The following SCYL1 variants were observed in gnomAD, a reference collection of about 807,000 sequenced individuals.
The protein encoded by SCYL1 is SCY1 like pseudokinase 1.
A neutral mutation model predicts 94.8 loss-of-function variants in SCYL1; 85 were observed. That is an observed-to-expected ratio of 0.90 (90% CI 0.75 to 1.07). The LOEUF (loss-of-function observed/expected upper bound fraction) is 1.07, where lower values mean the gene tolerates loss of function less well. Ranked by LOEUF, SCYL1 falls within the 50% of genes least tolerant of loss-of-function variation. The pLI is 0.00. For synonymous variants in SCYL1, 459 were observed against 435.5 expected, an observed-to-expected ratio of 1.05 and a Z score of -0.67; for missense variants, 968 against 1,083.3, an observed-to-expected ratio of 0.89 and a Z score of 1.49.
In SCYL1 at chr11:65,535,292, T is replaced by C. The variant is rs370246020; in HGVS notation, c.1296T>C (p.Phe432=). The C allele has an allele frequency of 5.6e-6, 9 of 1,614,122 alleles. No individual in the cohort carries two copies. Among genetic ancestry groups the C allele is most frequent in the Non-Finnish European group, 7.6e-6 (9 of 1,180,036 alleles). ...ANLNVELMKH[F]ARLQAKDEQG... Reference sequence around the variant, plus strand: ...TCAATGTGGAGCTGATGAAGCACTTTGCACGGCTACAGGCCAAGGATGAAC... The same window carrying C: ...TCAATGTGGAGCTGATGAAGCACTTCGCACGGCTACAGGCCAAGGATGAAC... The change falls in exon 10 of 18, where the codon TTT becomes TTC. Residue 432 remains phenylalanine, a synonymous_variant. Coordinates refer to ENST00000270176, the MANE Select transcript of SCYL1 (RefSeq NM_020680.4).
At chr11:65,530,819 C>A (rs1007049160) in intron 7 of SCYL1, 32 bp downstream of exon 7, 3 of 1,583,942 alleles carry the variant, frequency 1.9e-6, no homozygotes, top group African/African-American at 1.3e-5. Context: ...AGAAGGCTGG[C>A]TGGGTGCACA....
In SCYL1 at chr11:65,526,196, G is replaced by C; in HGVS notation, c.448G>C (p.Asp150His). The C allele has an allele frequency of 6.2e-7, 1 of 1,613,464 alleles. No individual in the cohort carries two copies. The highest frequency in any genetic ancestry group is 1.6e-4 in the Middle Eastern group (1 of 6,062). Residue 150 changes from aspartate to histidine, a missense_variant, in exon 4 of 18, where the codon GAC (aspartate) becomes CAC (histidine). Physicochemically the swap from Asp to His is moderately conservative, Grantham distance 81. Around this residue, in one of 2 missense-constraint regions of SCYL1, gnomAD observed 494 missense variants for 619.7 expected, o/e 0.80. Coordinates refer to ENST00000270176, the MANE Select transcript of SCYL1 (RefSeq NM_020680.4). This position sits in a 1 kb window ranked among gnomAD's most constrained non-coding sequence, Gnocchi z 4.1. Reference sequence around the variant, plus strand: ...TGTCTGCATGGCCGCCGTGTTCGTGGACCGAGCTGGCGAGTGGAAGCTTGG... The same window carrying C: ...TGTCTGCATGGCCGCCGTGTTCGTGCACCGAGCTGGCGAGTGGAAGCTTGG... ...NNVCMAAVFV[D>H]RAGEWKLGGL... is the part of the protein sequence containing the mutation.
At chr11:65,535,527 G>A in intron 10 of SCYL1, 145 bp downstream of exon 10, 1 of 1,060,540 alleles carries the variant, frequency 9.4e-7, no homozygotes, top group Non-Finnish European at 1.3e-6. Flanking sequence ...TGGGTTCCCA[G>A]AGGAGGAGTG....
chr11:65,533,077 T>C (rs1399780561), intron 9 of SCYL1: 1 of 421,782 alleles, frequency 2.4e-6, no homozygotes, highest in African/African-American at 2.0e-5. Context: ...TGGAGCTTCC[T>C]TTCCAGGGCA....
chr11:65,538,308 C>T lies in SCYL1; in HGVS notation c.2286C>T (p.Gly762=). The change falls in exon 17 of 18, where the codon GGC becomes GGT. Residue 762 remains glycine (G), a synonymous_variant. Transcript: ENST00000270176. ...CTTGGGGTGAGGACAACTGGGAGGG[C>T]CTCGAGACTGACAGTCGTAAGTGCT... ...PDSWGEDNWE[G]LETDSRQVKA... 1 of 1,550,450 alleles carries T rather than the reference C, an allele frequency of 6.4e-7. No individual in the cohort carries two copies. Among genetic ancestry groups the T allele is most frequent in the Non-Finnish European group, 8.7e-7 (1 of 1,146,578 alleles).
At chr11:65,528,174 G>A (rs1350487196) in intron 6 of SCYL1, among the ~76,000 whole-genome samples, 3 of 152,260 alleles carry the variant, frequency 2.0e-5, no homozygotes, top group Non-Finnish European at 2.9e-5. Flanking sequence ...CAGGTGCAGT[G>A]GCTCACGCCT....
intron 6 of SCYL1, among the ~76,000 whole-genome samples, chr11:65,528,372 G>A (rs532478533): frequency 3.2e-4 from 48 of 152,214 alleles, no homozygotes; most frequent in Non-Finnish European, 3.2e-4. Flanking sequence ...AACCTGGGAG[G>A]TGGAGGTTGC....
Position 65,535,311 on chromosome 11 carries a change from G to A in SCYL1, c.1315G>A (p.Asp439Asn), listed in dbSNP as rs1161983958. Residue 439 changes from aspartate (D) to asparagine (N), a missense_variant, in exon 10 of 18, where the codon GAT (aspartate) becomes AAT (asparagine). Physicochemically the swap from Asp to Asn is conservative, Grantham distance 23. This residue lies in a region of SCYL1 where 494 missense variants were observed against 619.7 expected (regional missense o/e 0.80). Coordinates refer to ENST00000270176, the MANE Select transcript of SCYL1 (RefSeq NM_020680.4). ...MKHFARLQAK[D>N]EQGPIRCNTT... ...GCACTTTGCACGGCTACAGGCCAAG[G>A]ATGAACAGGGCCCCATCCGCTGCAA... 1 of 1,614,248 alleles carries A rather than the reference G, an allele frequency of 6.2e-7. No homozygotes were observed. The highest frequency in any genetic ancestry group is 8.5e-7 in the Non-Finnish European group (1 of 1,180,034).
chr11:65,535,570 T>C (rs1478030712), intron 10 of SCYL1, 188 bp downstream of exon 10: 2 of 746,828 alleles, frequency 2.7e-6, no homozygotes, highest in Non-Finnish European at 2.1e-6. Flanking sequence ...AGGAGGGATC[T>C]GGGATCTGAA....
chr11:65,526,355 G>T lies in SCYL1; in HGVS notation c.602+5G>T, dbSNP rs1436673561. ...CAGAGTGGTCAGAGAGAAGTGGTGG[G>T]TGACTGGGGGCAGCGCGCCCCAACC... On this transcript the variant is annotated splice_donor_5th_base_variant and intron_variant, in intron 4 of 17. Transcript: ENST00000270176. The surrounding 1 kb of genome is among the most constrained non-coding windows in gnomAD (Gnocchi z 4.1). The T allele has an allele frequency of 6.3e-7, 1 of 1,589,172 alleles. No individual in the cohort carries two copies. The highest frequency in any genetic ancestry group is 1.7e-5 in the Admixed American group (1 of 58,680).
Position 65,538,569 on chromosome 11 carries a change from C to T in SCYL1, c.*3C>T, listed in dbSNP as rs1467270121. 1 of 1,609,128 alleles carries T rather than the reference C, an allele frequency of 6.2e-7. No individual in the cohort carries two copies. The highest frequency in any genetic ancestry group is 8.5e-7 in the Non-Finnish European group (1 of 1,178,038). ...TGGGAGCCCGGAAGCTGGACTGAAC[C>T]GTGGCGGTGGCCCTTCCCGGCTGCG... is the stretch of plus-strand genomic sequence containing the variant. On this transcript the variant is annotated 3_prime_UTR_variant, in exon 18 of 18. Transcript: ENST00000270176.
rs1216769195 is a variant in SCYL1 at position 65,538,552 on chromosome 11, C to G, written c.2413C>G (p.Arg805Gly). Reference sequence around the variant, plus strand: ...CAAGGGCCCCATGAAGCTGGGAGCCCGGAAGCTGGACTGAACCGTGGCGGT... The same window carrying G: ...CAAGGGCCCCATGAAGCTGGGAGCCGGGAAGCTGGACTGAACCGTGGCGGT... ...VAKGPMKLGA[R>G]KLD The change falls in exon 18 of 18, where the codon CGG (arginine) becomes GGG (glycine). Residue 805 changes from arginine (R) to glycine (G), a missense_variant. Arg to Gly is a moderately radical substitution (Grantham distance 125). This residue lies in a region of SCYL1 where 474 missense variants were observed against 463.6 expected (regional missense o/e 1.02). Transcript: ENST00000270176. The G allele has an allele frequency of 1.9e-6, 3 of 1,611,540 alleles. No homozygotes were observed. The highest frequency in any genetic ancestry group is 2.5e-6 in the Non-Finnish European group (3 of 1,179,448).
intron 6 of SCYL1, among the ~76,000 whole-genome samples, chr11:65,529,188 C>A (rs1855245614): frequency 1.3e-5 from 2 of 152,150 alleles, no homozygotes; most frequent in South Asian, 2.1e-4. Flanking sequence ...AATCTTGACT[C>A]AGATGCTGTG....
Position 65,537,726 on chromosome 11 carries a change from G to A in SCYL1, c.1960-83G>A. The stretch of plus-strand genomic sequence containing the variant: ...GAGGAAGGCAAAAGACAGTGGTGGG[G>A]CCCGTGGCTGGGATGATGCTGGGGC... On this transcript the variant is annotated intron_variant, in intron 14 of 17. Coordinates refer to ENST00000270176, the MANE Select transcript of SCYL1 (RefSeq NM_020680.4). The A allele has an allele frequency of 5.8e-6, 7 of 1,216,198 alleles. No homozygotes were observed. In the South Asian group the frequency reaches 1.1e-4, roughly 18 times the overall value. 75.3% of individuals were successfully genotyped at this position (1,216,198 alleles called of 1,614,324 possible). A position where few individuals can be genotyped will look rare whatever the true frequency, so the allele number is the denominator to read the frequency against.
chr11:65,525,474 G>A, intron 1 of SCYL1, 100 bp from the exon 2 acceptor site: 1 of 1,421,380 alleles, frequency 7.0e-7, no homozygotes, highest in Non-Finnish European at 9.4e-7. Context: ...CCGGCGAAGT[G>A]TCCCTAAGGC....
chr11:65,525,765 C>G, intron 2 of SCYL1, 51 bp downstream of exon 2: 1 of 1,604,932 alleles, frequency 6.2e-7, no homozygotes, highest in African/African-American at 1.3e-5. Flanking sequence ...GTCCTGGTTA[C>G]CCACTCCTGT....
In SCYL1 at chr11:65,531,564, C is replaced by T. The variant is rs1590731793; in HGVS notation, c.1009-12C>T. The T allele has an allele frequency of 6.2e-7, 1 of 1,600,558 alleles. No homozygotes were observed. The highest frequency in any genetic ancestry group is 1.3e-5 in the African/African-American group (1 of 74,666). ...CCTGTGAGCAGCTGAACCCATCTTC[C>T]TGCCCTTTCAGGTGGGCAAGTTCCT... is the stretch of plus-strand genomic sequence containing the variant. On this transcript the variant is annotated splice_polypyrimidine_tract_variant and intron_variant, in intron 7 of 17. Coordinates refer to ENST00000270176, the MANE Select transcript of SCYL1 (RefSeq NM_020680.4).
rs1372039330 is a variant in SCYL1, at chr11:65,538,262, C to T, written c.2248-8C>T. ...GGGCCCCACTGCAGCCCACACTTCT[C>T]TTTACAGCCGAGGCCAGACTCTTGG... is the stretch of plus-strand genomic sequence containing the variant. On this transcript the variant is annotated splice_region_variant and splice_polypyrimidine_tract_variant and intron_variant, in intron 16 of 17. Transcript: ENST00000270176. 2 of 1,553,660 alleles carry T rather than the reference C, an allele frequency of 1.3e-6. No individual in the cohort carries two copies. The highest frequency in any genetic ancestry group is 2.4e-5 in the East Asian group (1 of 41,058).
rs114496618 is a variant in SCYL1, at chr11:65,526,243, G to A, written c.495G>A (p.Ser165=). 1,079 of 1,613,262 alleles carry A rather than the reference G, an allele frequency of 6.7e-4. 12 individuals carry two copies. Among genetic ancestry groups the A allele is most frequent in the African/African-American group, 6.5e-3 (491 of 75,038 alleles). The part of the protein sequence containing the change: ...WKLGGLDYMY[S]AQGNGGGPPR... Reference sequence around the variant, plus strand: ...TTGGGGGCCTGGACTACATGTATTCGGCCCAGGGCAACGGTGGGGGACCTC... The same window carrying A: ...TTGGGGGCCTGGACTACATGTATTCAGCCCAGGGCAACGGTGGGGGACCTC... Residue 165 remains serine, a synonymous_variant, in exon 4 of 18, where the codon TCG becomes TCA. Transcript: ENST00000270176. The surrounding 1 kb of genome is among the most constrained non-coding windows in gnomAD (Gnocchi z 4.1).
Sources: allele counts gnomAD v4.1 joint callset (sites outside exome capture counted in the v4.1 genomes callset), GRCh38; gene constraint gnomAD v4.1.1; regional missense constraint gnomAD v4.1.1; non-coding constraint Gnocchi (gnomAD v3.1); transcripts MANE v1.5; gene names NCBI Gene and HGNC (gene_info 2026-07-23, HGNC 2026-07-21).